NBEAL1: variants seen among roughly 807,000 people sequenced by gnomAD.
NBEAL1 encodes the protein neurobeachin-like protein 1.
NBEAL1 carries 273 observed loss-of-function variants against 351.3 expected under a neutral mutation model. The ratio of observed to expected loss-of-function variants is 0.78; its 90% CI spans 0.70 to 0.86. The LOEUF is 0.86. Among genes scored for constraint, NBEAL1 ranks in the 40% least tolerant of loss-of-function variants. The probability of loss-of-function intolerance (pLI) is 0.00; values close to 1 mark genes in which losing one functional copy is unlikely to be tolerated. For synonymous variants in NBEAL1, 1,050 were observed against 1,086.4 expected (o/e 0.97, Z 0.66); for missense variants, 2,961 against 3,201.3 (o/e 0.92, Z 1.81).
intron 9 of NBEAL1, among the ~76,000 whole-genome samples, chr2:203,083,911 G>T (rs1325510101): frequency 6.6e-6 from 1 of 151,564 alleles, no homozygotes; most frequent in Non-Finnish European, 1.5e-5. Flanking sequence ...CTCTGTAGAG[G>T]TCGCTTCAAA....
chr2:203,071,592 A>T (rs1005606488), intron 7 of NBEAL1, among the ~76,000 whole-genome samples: 4 of 152,166 alleles, frequency 2.6e-5, no homozygotes, highest in African/African-American at 9.7e-5. Flanking sequence ...CAACAGCCCC[A>T]AATGTCTTAA....
At chr2:203,183,088 A>T (rs983577385) in intron 43 of NBEAL1, 191 bp from the exon 44 acceptor site, 2 of 373,290 alleles carry the variant, frequency 5.4e-6, no homozygotes, top group African/African-American at 4.2e-5. Context: ...TTCTTACTCT[A>T]ATTTACCTTA....
At chr2:203,108,290 T>C (rs2062481855) in intron 14 of NBEAL1, 102 bp downstream of exon 14, 2 of 866,584 alleles carry the variant, frequency 2.3e-6, no homozygotes, top group Admixed American at 2.9e-5. Flanking sequence ...CTTTTAGATA[T>C]ACAGCTTATC....
chr2:203,018,797 C>T (rs1235595147), intron 2 of NBEAL1, among the ~76,000 whole-genome samples: 1 of 152,052 alleles, frequency 6.6e-6, no homozygotes, highest in Non-Finnish European at 1.5e-5. Flanking sequence ...TATTTTAAAG[C>T]AAATCCCAGA....
chr2:203,130,805 A>G (rs1009337001), intron 25 of NBEAL1, among the ~76,000 whole-genome samples: 2 of 152,156 alleles, frequency 1.3e-5, no homozygotes, highest in African/African-American at 4.8e-5. Flanking sequence ...TGTAGCAACC[A>G]CTATATGTCA....
intron 6 of NBEAL1, among the ~76,000 whole-genome samples, chr2:203,057,884 G>A (rs547794100): frequency 6.9e-6 from 1 of 145,876 alleles, no homozygotes; most frequent in Non-Finnish European, 1.5e-5. Context: ...TTGCCAGGCT[G>A]GAGTGCAGTG....
rs372273241 is a variant in NBEAL1 at position 203,110,255 on chromosome 2, T to C, written c.2055T>C (p.Pro685=). 6.3e-4 allele frequency: 978 copies of C among 1,552,696 alleles called. 8 individuals are homozygous for C. The African/African-American group carries it at 8.6e-3, about 14-fold the overall frequency. ...GAGAATATGCAACGGTTATGCTTCC[T>C]GACCACAGTTTCTGTGATTCCCTCT... is the stretch of plus-strand genomic sequence containing the variant. ...TKREYATVML[P]DHSFCDSLWH... The change falls in exon 15 of 56, where the codon CCT becomes CCC. Residue 685 remains proline, a synonymous_variant. Transcript: ENST00000683969.
chr2:203,138,052 A>G lies in NBEAL1; in HGVS notation c.4566-110A>G. On this transcript the variant is annotated intron_variant, in intron 29 of 55. Coordinates refer to ENST00000683969, the MANE Select transcript of NBEAL1 (RefSeq NM_001378026.1). ...CTTAGGGATACCTGCTAGAGATAGT[A>G]TATCTTTAGAGATACAGTGCTGCCT... The G allele has an allele frequency of 5.3e-6, 5 of 949,022 alleles. No homozygotes were observed. In the East Asian group the frequency reaches 1.3e-4, roughly 24 times the overall value. The allele number at this position is 949,022 out of a possible 1,614,324, so 58.8% of individuals were successfully genotyped here. A position where few individuals can be genotyped will look rare whatever the true frequency, so the allele number is the denominator to read the frequency against.
At chr2:203,084,434 C>A (rs1463009622) in intron 9 of NBEAL1, 29 bp from the exon 10 acceptor site, 3 of 1,226,292 alleles carry the variant, frequency 2.4e-6, no homozygotes, top group Non-Finnish European at 2.2e-6. Flanking sequence ...TTCATTTTTA[C>A]ATGGATGATT....
chr2:203,135,319 CAAT>C (rs2063175398), intron 27 of NBEAL1, among the ~76,000 whole-genome samples: 1 of 152,106 alleles, frequency 6.6e-6, no homozygotes, highest in African/African-American at 2.4e-5. Context: ...AGTAGGTGTG[CAAT>C]AATATTTCCT....
intron 27 of NBEAL1, among the ~76,000 whole-genome samples, chr2:203,133,870 T>C (rs1007059420): frequency 5.9e-4 from 89 of 152,002 alleles, no homozygotes; most frequent in African/African-American, 1.9e-3. Flanking sequence ...TTTCCTTTTC[T>C]CTTTAATGGA....
chr2:203,062,521 GC>G lies in NBEAL1; in HGVS notation c.515+5071del. ...GGCCTCTCAGAGCTGAGGAGAGGGA[GC>G]CCAAGCTAGGAGCGCAGCCCAGAGA... On this transcript the variant is annotated intron_variant, in intron 6 of 55. Coordinates refer to ENST00000683969, the MANE Select transcript of NBEAL1 (RefSeq NM_001378026.1). The surrounding 1 kb of genome is among the most constrained non-coding windows in gnomAD (Gnocchi z 4.2). 4.1e-6 allele frequency: 1 copy of G among 245,536 alleles called. No homozygotes were observed. Among genetic ancestry groups the G allele is most frequent in the Non-Finnish European group, 8.1e-6 (1 of 123,448 alleles). The allele number at this position is 245,536 out of a possible 1,614,324, so 15.2% of individuals were successfully genotyped here.
rs1477722454 is a variant in NBEAL1, at chr2:203,222,492, A to G, written c.*5138A>G. Reference sequence around the variant, plus strand: ...TATCCTGAGGGACATTTTGTCTAAAATTTGCTTGGAATGGCTTTATTATCT... The same window carrying G: ...TATCCTGAGGGACATTTTGTCTAAAGTTTGCTTGGAATGGCTTTATTATCT... On this transcript the variant is annotated 3_prime_UTR_variant, in exon 56 of 56. Transcript: ENST00000683969. Among the ~76,000 whole-genome samples the G allele has an allele frequency of 6.6e-6, 1 of 152,170 alleles. No homozygotes were observed. The highest frequency in any genetic ancestry group is 1.5e-5 in the Non-Finnish European group (1 of 68,020).
chr2:203,205,778 C>T (rs997776461), intron 51 of NBEAL1, among the ~76,000 whole-genome samples: 2 of 152,074 alleles, frequency 1.3e-5, no homozygotes, highest in African/African-American at 4.8e-5. Context: ...AGGAAGGGCT[C>T]CTCTTTCTCT....
chr2:203,077,696 A>G, intron 7 of NBEAL1, 56 bp from the exon 8 acceptor site: 1 of 1,054,906 alleles, frequency 9.5e-7, no homozygotes, highest in East Asian at 3.0e-5. Context: ...CTTAGAGATA[A>G]ATCATACTGT....
intron 49 of NBEAL1, among the ~76,000 whole-genome samples, chr2:203,200,672 C>T (rs189809979): frequency 2.1e-4 from 32 of 152,018 alleles, no homozygotes; most frequent in Middle Eastern, 3.4e-3. Context: ...TCAGCCTGGA[C>T]GACAGAGCAA....
At chr2:203,194,599 A>G (rs2065184194) in intron 47 of NBEAL1, among the ~76,000 whole-genome samples, 1 of 152,206 alleles carries the variant, frequency 6.6e-6, no homozygotes, top group African/African-American at 2.4e-5. Context: ...CAGCAGTGAG[A>G]TAGGTCTAAC....
chr2:203,148,941 T>C (rs2063577533), intron 33 of NBEAL1, 50 bp from the exon 34 acceptor site: 1 of 1,440,552 alleles, frequency 6.9e-7, no homozygotes, highest in Non-Finnish European at 9.2e-7. Flanking sequence ...AATGTAAATA[T>C]ACCTGTAAAT....
At chr2:203,196,988 T>C (rs2065257137) in intron 47 of NBEAL1, among the ~76,000 whole-genome samples, 1 of 152,236 alleles carries the variant, frequency 6.6e-6, no homozygotes, top group Admixed American at 6.5e-5. Flanking sequence ...TTCTACTTTA[T>C]ATGTATGTCA....
Sources: allele counts gnomAD v4.1 joint callset (sites outside exome capture counted in the v4.1 genomes callset), GRCh38; gene constraint gnomAD v4.1.1; non-coding constraint Gnocchi (gnomAD v3.1); transcripts MANE v1.5; gene names NCBI Gene and HGNC (gene_info 2026-07-23, HGNC 2026-07-21).